Variants in DYM observed in about 807,000 individuals in gnomAD.
The protein encoded by DYM is dymeclin.
DYM carries 78 observed loss-of-function variants against 93.1 expected under a neutral mutation model. That is an observed-to-expected ratio of 0.84 (90% CI 0.70 to 1.01). The LOEUF (loss-of-function observed/expected upper bound fraction) is 1.01, where lower values mean the gene tolerates loss of function less well. DYM is among the 50% of genes least tolerant of loss of function. The pLI is 0.00. For synonymous variants in DYM, 321 were observed against 319.7 expected (o/e 1.00, Z -0.04); for missense variants, 789 against 845.0 (o/e 0.93, Z 0.82).
chr18:49,245,462 A>G (rs1171131352), intron 13 of DYM, among the ~76,000 whole-genome samples: 1 of 152,158 alleles, frequency 6.6e-6, no homozygotes, highest in Non-Finnish European at 1.5e-5. Context: ...TCCTGGGGGT[A>G]GGTATATAGA....
At chr18:49,148,595 A>T (rs1271608716) in intron 15 of DYM, among the ~76,000 whole-genome samples, 1 of 152,156 alleles carries the variant, frequency 6.6e-6, no homozygotes, top group Non-Finnish European at 1.5e-5. Flanking sequence ...TCAAGGGTCA[A>T]AATGGCAAAA....
chr18:49,239,850 T>C (rs1450470862), intron 13 of DYM, among the ~76,000 whole-genome samples: 1 of 152,194 alleles, frequency 6.6e-6, no homozygotes, highest in East Asian at 1.9e-4. Flanking sequence ...TTTAAGCCAC[T>C]AAGTTTTGGG....
chr18:49,123,830 T>A (rs1214952935), intron 15 of DYM, among the ~76,000 whole-genome samples: 1 of 152,194 alleles, frequency 6.6e-6, no homozygotes, highest in Non-Finnish European at 1.5e-5. Flanking sequence ...TGAATTAGTA[T>A]AGAAGGAAGA....
At chr18:49,242,774 A>ACGCCATTCTC (rs1231602953) in intron 13 of DYM, among the ~76,000 whole-genome samples, 1 of 152,152 alleles carries the variant, frequency 6.6e-6, no homozygotes, top group African/African-American at 2.4e-5. Context: ...ATCTTGGCTC[A>ACGCCATTCTC]CTGCAAGCTC....
At chr18:49,282,779 T>A (rs899827035) in intron 9 of DYM, among the ~76,000 whole-genome samples, 1 of 152,048 alleles carries the variant, frequency 6.6e-6, no homozygotes, top group Admixed American at 6.5e-5. Context: ...TCAATACAAC[T>A]TAACCAGGAC....
At chr18:49,097,263 C>A (rs563832000) in intron 17 of DYM, 139 bp downstream of exon 17, 3 of 754,596 alleles carry the variant, frequency 4.0e-6, no homozygotes, top group African/African-American at 3.5e-5. Context: ...CTGTCAGAAA[C>A]CTTTGTCACA....
chr18:49,311,972 T>C (rs1385173679), intron 8 of DYM, among the ~76,000 whole-genome samples: 3 of 152,108 alleles, frequency 2.0e-5, no homozygotes, highest in Non-Finnish European at 4.4e-5. Flanking sequence ...AATTGAGAAG[T>C]ACCTACAAAC....
chr18:49,330,749 C>A (rs2146801954), intron 8 of DYM, among the ~76,000 whole-genome samples: 1 of 152,196 alleles, frequency 6.6e-6, no homozygotes, highest in Non-Finnish European at 1.5e-5. Context: ...TTAAGCCTTC[C>A]AATGGGACAC....
chr18:49,382,815 AG>A (rs1467386526), intron 3 of DYM, among the ~76,000 whole-genome samples: 15 of 152,224 alleles, frequency 9.9e-5, no homozygotes, highest in Admixed American at 9.2e-4. Context: ...TGTGTAAAGA[AG>A]GGAATGCCCC....
chr18:49,180,957 T>C (rs2089869817), intron 14 of DYM, among the ~76,000 whole-genome samples: 1 of 152,180 alleles, frequency 6.6e-6, no homozygotes, highest in Admixed American at 6.5e-5. Flanking sequence ...TTCCAACTTG[T>C]TATATGTTAG....
At chr18:49,319,049 C>T (rs1206729864) in intron 8 of DYM, among the ~76,000 whole-genome samples, 2 of 152,038 alleles carry the variant, frequency 1.3e-5, no homozygotes, top group Non-Finnish European at 2.9e-5. Context: ...TTGTGATCCA[C>T]CCACCTCGGC....
chr18:49,290,557 T>C (rs143672452), intron 8 of DYM, among the ~76,000 whole-genome samples: 31 of 152,068 alleles, frequency 2.0e-4, no homozygotes, highest in Admixed American at 2.0e-3. Context: ...AAAATTAAAA[T>C]AACAGAAAAA....
chr18:49,188,607 C>T (rs776522039), intron 14 of DYM, among the ~76,000 whole-genome samples: 26 of 152,026 alleles, frequency 1.7e-4, no homozygotes, highest in East Asian at 5.8e-4. Flanking sequence ...CCAAACATCG[C>T]GTGTCCTCAC....
Position 49,282,033 on chromosome 18 carries a change from T to A in DYM, c.1089A>T (p.Arg363Ser). The A allele has an allele frequency of 1.2e-6, 2 of 1,614,040 alleles. No individual in the cohort carries two copies. The highest frequency in any genetic ancestry group is 1.7e-6 in the Non-Finnish European group (2 of 1,179,946). The change falls in exon 10 of 18, where the codon AGA becomes AGT. Residue 363 changes from arginine to serine, a missense_variant. This residue lies in a region of DYM where 450 missense variants were observed against 436.2 expected (regional missense o/e 1.03). Coordinates refer to ENST00000675505, the MANE Select transcript of DYM (RefSeq NM_001353214.3). ...TATCTGTGCGAGCCAACATGTATGTTCTAATATTACTATTTTGATGGAGCA... is the reference window on the plus strand; with the variant it reads ...TATCTGTGCGAGCCAACATGTATGTACTAATATTACTATTTTGATGGAGCA... ...YTLLHQNSNI[R>S]TYMLARTDME...
At chr18:49,321,874 G>A (rs1357262570) in intron 8 of DYM, among the ~76,000 whole-genome samples, 2 of 152,022 alleles carry the variant, frequency 1.3e-5, no homozygotes, top group Admixed American at 6.6e-5. Flanking sequence ...AAAGTTAGAA[G>A]TGTTTTAATT....
chr18:49,130,849 G>T (rs2083316990), intron 15 of DYM, among the ~76,000 whole-genome samples: 1 of 152,178 alleles, frequency 6.6e-6, no homozygotes, highest in South Asian at 2.1e-4. Context: ...TTGGAATAGG[G>T]TTGGGGGTTT....
intron 17 of DYM, among the ~76,000 whole-genome samples, chr18:49,056,058 G>A (rs1008605708): frequency 7.2e-5 from 11 of 152,186 alleles, no homozygotes; most frequent in African/African-American, 2.7e-4. Flanking sequence ...TGAGTAATGA[G>A]GGGGCTGGGG....
At chr18:49,045,229 C>A (rs2071322901) in intron 17 of DYM, among the ~76,000 whole-genome samples, 1 of 152,314 alleles carries the variant, frequency 6.6e-6, no homozygotes, top group East Asian at 1.9e-4. Context: ...GAGGAAACCA[C>A]ACACTTCCCC....
At chr18:49,358,574 CTTAGA>C (rs1012378685) in intron 6 of DYM, among the ~76,000 whole-genome samples, 18 of 152,256 alleles carry the variant, frequency 1.2e-4, no homozygotes, top group African/African-American at 2.6e-4. Flanking sequence ...AAAAAGTTTT[CTTAGA>C]TTAAATTATA....
Sources: allele counts gnomAD v4.1 joint callset (sites outside exome capture counted in the v4.1 genomes callset), GRCh38; gene constraint gnomAD v4.1.1; regional missense constraint gnomAD v4.1.1; transcripts MANE v1.5; gene names NCBI Gene and HGNC (gene_info 2026-07-23, HGNC 2026-07-21).